The following PLBD1 variants were observed in gnomAD, a reference collection of about 807,000 sequenced individuals.
PLBD1 encodes the protein phospholipase B domain containing 1.
In PLBD1, 60 loss-of-function variants were observed where a neutral mutation model predicts 63.0. The observed-to-expected ratio is 0.95, with a 90% CI of 0.77 to 1.18. The LOEUF is 1.18. Among genes scored for constraint, PLBD1 ranks in the 50% most tolerant of loss-of-function variants. The pLI, the probability that PLBD1 is intolerant of heterozygous loss-of-function variation, is 0.00. For missense variants in PLBD1, 598 were observed against 677.9 expected (o/e 0.88, Z 1.31); for synonymous variants, 262 against 248.0 (o/e 1.06, Z -0.53).
intron 2 of PLBD1, among the ~76,000 whole-genome samples, chr12:14,548,477 AAAAAAG>A (rs1260336250): frequency 1.6e-4 from 23 of 142,976 alleles, no homozygotes; most frequent in East Asian, 1.6e-3. Context: ...AAAAAAAAAA[AAAAAAG>A]AAGAAGAAGA....
At chr12:14,539,584 G>A (rs373704351) in intron 4 of PLBD1, among the ~76,000 whole-genome samples, 1 of 151,656 alleles carries the variant, frequency 6.6e-6, no homozygotes, top group Non-Finnish European at 1.5e-5. Flanking sequence ...TCAGGAGTTC[G>A]AGACTAGCCT....
In PLBD1 at chr12:14,506,277, CAG is replaced by C; in HGVS notation, c.1373-11_1373-10del. ...AGGATCCTTCTTATAATCTAGGAAA[CAG>C]AAATGGGGAAGAGAGTGATTATTGG... On this transcript the variant is annotated splice_polypyrimidine_tract_variant and intron_variant, in intron 9 of 10. Coordinates refer to ENST00000240617, the MANE Select transcript of PLBD1 (RefSeq NM_024829.6). The C allele has an allele frequency of 1.3e-6, 2 of 1,565,018 alleles. No individual in the cohort carries two copies. The highest frequency in any genetic ancestry group is 1.1e-5 in the South Asian group (1 of 89,532).
intron 1 of PLBD1, among the ~76,000 whole-genome samples, chr12:14,560,340 A>C (rs1945735920): frequency 6.6e-6 from 1 of 152,236 alleles, no homozygotes; most frequent in African/African-American, 2.4e-5. Context: ...ACCCCAAGCA[A>C]TGCAATGTTT....
chr12:14,526,607 C>T (rs1169374676), intron 6 of PLBD1, among the ~76,000 whole-genome samples: 5 of 152,108 alleles, frequency 3.3e-5, no homozygotes, highest in African/African-American at 4.8e-5. Flanking sequence ...TTGGTAATAG[C>T]GACTTTTGCT....
chr12:14,544,386 C>T (rs1030310368), intron 2 of PLBD1, among the ~76,000 whole-genome samples: 1 of 152,186 alleles, frequency 6.6e-6, no homozygotes, highest in Non-Finnish European at 1.5e-5. Context: ...ATTGGCCAGG[C>T]TGATCTTGAA....
At chr12:14,553,841 C>T (rs1029729821) in intron 1 of PLBD1, 22 of 196,652 alleles carry the variant, frequency 1.1e-4, no homozygotes, top group African/African-American at 4.9e-4. Context: ...ACTGAGCGCT[C>T]AGCTTCAGGA....
chr12:14,547,263 G>A (rs933194383), intron 2 of PLBD1, among the ~76,000 whole-genome samples: 3 of 151,554 alleles, frequency 2.0e-5, no homozygotes, highest in African/African-American at 7.3e-5. Flanking sequence ...TACAAGGGGA[G>A]AGAAACCTCC....
rs1945324867 is a variant in PLBD1, at chr12:14,514,726, A to T, written c.845-3015T>A. 2.0e-5 allele frequency among the ~76,000 whole-genome samples: 3 copies of T among 151,292 alleles called. No individual in the cohort carries two copies. In the Admixed American group the frequency reaches 2.0e-4, roughly 10 times the overall value. ...AAACACATTTCTTTGACTACATACA[A>T]TTATAATCTTTTTAAATTTTTTTTT... On this transcript the variant is annotated intron_variant, in intron 6 of 10. Transcript: ENST00000240617.
In PLBD1 at chr12:14,511,703, C is replaced by T; in HGVS notation, c.853G>A (p.Glu285Lys). The change falls in exon 7 of 11, where the codon GAG becomes AAG. Residue 285 changes from glutamate to lysine, a missense_variant. Transcript: ENST00000240617. ...LSFSSYPGFL[E>K]SLDDFYILSS... ...AGAATGTAAAAATCATCCAGAGACT[C>T]CAAAAACCCTACAGGAAAGACAAAT... The T allele has an allele frequency of 1.2e-6, 2 of 1,613,948 alleles. No homozygotes were observed. The highest frequency in any genetic ancestry group is 3.3e-4 in the Middle Eastern group (2 of 6,062).
intron 10 of PLBD1, 96 bp from the exon 11 acceptor site, chr12:14,504,050 A>T: frequency 8.3e-7 from 1 of 1,207,194 alleles, no homozygotes; most frequent in Non-Finnish European, 1.2e-6. Flanking sequence ...CAAAGTCACA[A>T]TATTAGCTTT....
intron 6 of PLBD1, among the ~76,000 whole-genome samples, chr12:14,524,108 G>A (rs915652932): frequency 1.1e-4 from 16 of 152,056 alleles, no homozygotes; most frequent in South Asian, 4.1e-4. Flanking sequence ...TATAAAAGCC[G>A]ATCTCATACA....
At position 14,511,524 on chromosome 12, in the gene PLBD1, T is replaced by C. The variant is rs1392114058; in HGVS notation, c.1032A>G (p.Ser344=). The change falls in exon 7 of 11, where the codon TCA becomes TCG. Residue 344 remains serine, a synonymous_variant. Coordinates refer to ENST00000240617, the MANE Select transcript of PLBD1 (RefSeq NM_024829.6). ...DSGKRWADIF[S]KYNSGTYNNQ... ...AGGGTCACTTACCAGAGTTGTATTT[T>C]GAAAAGATGTCTGCCCACCTCTTGC... The C allele has an allele frequency of 3.1e-6, 5 of 1,614,132 alleles. No individual in the cohort carries two copies. The highest frequency in any genetic ancestry group is 4.2e-6 in the Non-Finnish European group (5 of 1,180,042).
intron 6 of PLBD1, among the ~76,000 whole-genome samples, chr12:14,515,633 A>T (rs930795420): frequency 6.6e-6 from 1 of 152,226 alleles, no homozygotes; most frequent in African/African-American, 2.4e-5. Context: ...ATTACAGAAC[A>T]TTAAAAATGT....
intron 8 of PLBD1, among the ~76,000 whole-genome samples, chr12:14,508,271 T>G (rs887688996): frequency 2.6e-5 from 4 of 152,236 alleles, no homozygotes; most frequent in Non-Finnish European, 5.9e-5. Context: ...CCTTTGTGCC[T>G]CAGTTTCTTC....
chr12:14,551,804 G>T (rs932658426), intron 2 of PLBD1, among the ~76,000 whole-genome samples: 1 of 152,044 alleles, frequency 6.6e-6, no homozygotes. Context: ...TCAAACTCAC[G>T]ACTCAATTTA....
intron 8 of PLBD1, 75 bp downstream of exon 8, chr12:14,511,185 A>C: frequency 2.3e-6 from 3 of 1,326,414 alleles, no homozygotes; most frequent in Non-Finnish European, 3.1e-6. Flanking sequence ...ACATTCACAC[A>C]ATGTGCATTC....
At chr12:14,537,374 G>A (rs983567657) in intron 4 of PLBD1, among the ~76,000 whole-genome samples, 6 of 152,228 alleles carry the variant, frequency 3.9e-5, no homozygotes, top group Admixed American at 3.3e-4. Context: ...GATGTTTAGC[G>A]TCATCCCTGG....
chr12:14,555,498 T>C (rs1028102290), intron 1 of PLBD1, among the ~76,000 whole-genome samples: 1 of 152,032 alleles, frequency 6.6e-6, no homozygotes, highest in Non-Finnish European at 1.5e-5. Context: ...GATTGTGCCA[T>C]TGCACTCCAG....
chr12:14,526,897 G>A (rs1200501835), intron 6 of PLBD1, among the ~76,000 whole-genome samples: 1 of 152,078 alleles, frequency 6.6e-6, no homozygotes, highest in Admixed American at 6.6e-5. Context: ...ACTTGAACCC[G>A]GGAGGTGGAA....
Sources: allele counts gnomAD v4.1 joint callset (sites outside exome capture counted in the v4.1 genomes callset), GRCh38; gene constraint gnomAD v4.1.1; transcripts MANE v1.5; gene names NCBI Gene and HGNC (gene_info 2026-07-23, HGNC 2026-07-21).